Variants in GLG1 observed in about 807,000 individuals in gnomAD.
The protein encoded by GLG1 is Golgi apparatus protein 1.
Under a neutral mutation model 160.5 loss-of-function variants are expected in GLG1, and 38 were observed. The ratio of observed to expected loss-of-function variants is 0.24; its 90% CI spans 0.18 to 0.31. The LOEUF (loss-of-function observed/expected upper bound fraction) is 0.31. Among genes scored for constraint, GLG1 ranks in the 10% least tolerant of loss-of-function variants. The probability of loss-of-function intolerance (pLI) is 1.00; values close to 1 mark genes in which losing one functional copy is unlikely to be tolerated. For synonymous variants in GLG1, 644 were observed against 543.4 expected, an observed-to-expected ratio of 1.19 and a Z score of -2.57; for missense variants, 1,373 against 1,505.2, an observed-to-expected ratio of 0.91 and a Z score of 1.45.
intron 1 of GLG1, among the ~76,000 whole-genome samples, chr16:74,599,630 C>T (rs181192806): frequency 9.2e-5 from 14 of 152,058 alleles, no homozygotes; most frequent in Non-Finnish European, 1.5e-4. Flanking sequence ...TTTCGGAGGC[C>T]GAGGTGGGCA....
intron 9 of GLG1, among the ~76,000 whole-genome samples, chr16:74,483,450 C>G (rs1342866293): frequency 6.6e-6 from 1 of 152,138 alleles, no homozygotes; most frequent in Admixed American, 6.5e-5. Context: ...CTTTATCAAT[C>G]TGTGGCCAAG....
intron 4 of GLG1, among the ~76,000 whole-genome samples, chr16:74,498,467 T>TATATATATA (rs1555510304): frequency 1.8e-5 from 1 of 55,880 alleles, no homozygotes; most frequent in Non-Finnish European, 3.6e-5. Context: ...TATATATATA[T>TATATATATA]TATATTTTAT....
chr16:74,459,632 G>C (rs1186684393), intron 23 of GLG1, 50 bp downstream of exon 23: 8 of 770,374 alleles, frequency 1.0e-5, no homozygotes, highest in East Asian at 9.4e-5. Context: ...AGGAAGAAGA[G>C]AAAAAAAAAA....
In GLG1 at chr16:74,534,872, C is replaced by T. The variant is rs531038488; in HGVS notation, c.439-2719G>A. Among the ~76,000 whole-genome samples the T allele has an allele frequency of 9.8e-5, 15 of 152,334 alleles. 2 individuals are homozygous for T. Among genetic ancestry groups the T allele is most frequent in the Non-Finnish European group, 1.5e-5 (1 of 68,030 alleles). ...TCATTCCTTCCTAAGAGGTGCAGTA[C>T]TGTGTGCTTAGTAATACTGTTAATG... On this transcript the variant is annotated intron_variant, in intron 1 of 25. Coordinates refer to ENST00000422840, the MANE Select transcript of GLG1 (RefSeq NM_001145667.2).
rs2017803198 is a variant in GLG1 at position 74,540,053 on chromosome 16, ATATT to A, written c.439-7904_439-7901del. Among the ~76,000 whole-genome samples, 2 of 2,572 alleles carry A rather than the reference ATATT, an allele frequency of 7.8e-4. 1 individual carries two copies. Among genetic ancestry groups the A allele is most frequent in the Non-Finnish European group, 1.6e-3 (2 of 1,280 alleles). 1.7% of individuals were successfully genotyped at this position (2,572 alleles called of 152,430 possible). ...TATATATTTTATATATATATTATATATATTTTATATATATATATTATATATATTT... is the reference window on the plus strand; with the variant it reads ...TATATATTTTATATATATATTATATATTATATATATATATTATATATATTT... On this transcript the variant is annotated intron_variant, in intron 1 of 25. Coordinates refer to ENST00000422840, the MANE Select transcript of GLG1 (RefSeq NM_001145667.2).
chr16:74,529,633 G>A (rs1436680042), intron 2 of GLG1, among the ~76,000 whole-genome samples: 1 of 151,790 alleles, frequency 6.6e-6, no homozygotes, highest in Non-Finnish European at 1.5e-5. Context: ...ATTTCTGATA[G>A]CATGCGGGAC....
At chr16:74,569,861 CAAAAAAAAAAAAA>C (rs918653877) in intron 1 of GLG1, among the ~76,000 whole-genome samples, 1 of 76,412 alleles carries the variant, frequency 1.3e-5, no homozygotes, top group African/African-American at 4.9e-5. Context: ...AACTCCAACT[CAAAAAAAAAAAAA>C]GAAAAAAAAA....
At chr16:74,532,074 C>T (rs374048221) in intron 2 of GLG1, 47 bp downstream of exon 2, 53 of 830,492 alleles carry the variant, frequency 6.4e-5, no homozygotes, top group South Asian at 3.7e-4. Context: ...AATCTGTCAT[C>T]GTATCTATAA....
intron 1 of GLG1, among the ~76,000 whole-genome samples, chr16:74,582,888 A>G (rs1957969861): frequency 6.6e-6 from 1 of 151,946 alleles, no homozygotes; most frequent in Admixed American, 6.6e-5. Flanking sequence ...TCTGGGTTCT[A>G]TAGAAGGTAT....
chr16:74,574,385 A>G (rs2143794107), intron 1 of GLG1, among the ~76,000 whole-genome samples: 1 of 152,326 alleles, frequency 6.6e-6, no homozygotes, highest in East Asian at 1.9e-4. Context: ...ATCTGTTAAC[A>G]GTAACAGATA....
chr16:74,497,639 G>A (rs1473996067), intron 4 of GLG1, among the ~76,000 whole-genome samples: 5 of 151,930 alleles, frequency 3.3e-5, no homozygotes, highest in South Asian at 2.1e-4. Context: ...GGGTTTCACC[G>A]TGTTAGCCAG....
At chr16:74,583,388 T>G (rs945383160) in intron 1 of GLG1, among the ~76,000 whole-genome samples, 11 of 152,312 alleles carry the variant, frequency 7.2e-5, no homozygotes, top group East Asian at 1.9e-4. Flanking sequence ...TTGACTTTTT[T>G]GGGGGGTTGG....
At chr16:74,497,285 G>A (rs1211064908) in intron 4 of GLG1, among the ~76,000 whole-genome samples, 7 of 49,358 alleles carry the variant, frequency 1.4e-4, no homozygotes, top group Admixed American at 6.3e-4. Flanking sequence ...CAGAAACTCT[G>A]TAAAAAAAAC....
intron 11 of GLG1, 132 bp downstream of exon 11, chr16:74,480,109 G>C: frequency 1.4e-6 from 1 of 708,870 alleles, no homozygotes; most frequent in Non-Finnish European, 2.4e-6. Context: ...GTTTCTAGAA[G>C]TGCAGCAATC....
chr16:74,492,463 C>T (rs189194401), intron 7 of GLG1, among the ~76,000 whole-genome samples: 2 of 150,750 alleles, frequency 1.3e-5, no homozygotes, highest in East Asian at 2.0e-4. Context: ...GGGAGGATCA[C>T]GTGAGGGCAG....
At chr16:74,529,812 C>CTTTTT (rs1178684020) in intron 2 of GLG1, among the ~76,000 whole-genome samples, 50 of 115,768 alleles carry the variant, frequency 4.3e-4, no homozygotes, top group Admixed American at 6.2e-4. Context: ...TTTGAGAGTT[C>CTTTTT]TTTTTTTTTT....
intron 1 of GLG1, among the ~76,000 whole-genome samples, chr16:74,536,063 G>C (rs551143010): frequency 6.6e-6 from 1 of 152,068 alleles, no homozygotes; most frequent in South Asian, 2.1e-4. Flanking sequence ...TAAATAAAAA[G>C]AAAACACTAT....
At chr16:74,453,907 C>CTTTTTTTTTTTTTT (rs2014424583) in intron 25 of GLG1, among the ~76,000 whole-genome samples, 1 of 145,652 alleles carries the variant, frequency 6.9e-6, no homozygotes. Context: ...CAAAGTCTTA[C>CTTTTTTTTTTTTTT]TGTTACCCAG....
intron 3 of GLG1, among the ~76,000 whole-genome samples, chr16:74,505,478 G>A (rs182965530): frequency 9.1e-4 from 138 of 152,258 alleles, no homozygotes; most frequent in African/African-American, 3.1e-3. Flanking sequence ...CCATCACTTT[G>A]GAAGACCGAG....
Sources: allele counts gnomAD v4.1 joint callset (sites outside exome capture counted in the v4.1 genomes callset), GRCh38; gene constraint gnomAD v4.1.1; transcripts MANE v1.5; gene names NCBI Gene and HGNC (gene_info 2026-07-23, HGNC 2026-07-21).